Variants in ANAPC13 observed in about 807,000 individuals in gnomAD.
ANAPC13 encodes anaphase-promoting complex subunit 13.
In ANAPC13, 9 loss-of-function variants were observed where a neutral mutation model predicts 9.6. That is an observed-to-expected ratio of 0.94 (90% CI 0.57 to 1.64). The LOEUF (loss-of-function observed/expected upper bound fraction) is 1.64. Ranked by LOEUF, ANAPC13 falls within the 40% of genes most tolerant of loss-of-function variation. ANAPC13 has a pLI of 0.00. For synonymous variants in ANAPC13, 30 were observed against 29.7 expected, an observed-to-expected ratio of 1.01 and a Z score of -0.03; for missense variants, 75 against 85.3, an observed-to-expected ratio of 0.88 and a Z score of 0.48.
At position 134,482,924 on chromosome 3, in the gene ANAPC13, T is replaced by C. The variant is rs767981638; in HGVS notation, c.-20A>G. The stretch of plus-strand genomic sequence containing the variant: ...GTCCATTTTCCTGCAGCTTTGATCT[T>C]GTCAAATCTGTAAGCCAAAGAGGTT... On this transcript the variant is annotated 5_prime_UTR_variant, in exon 2 of 3. Coordinates refer to ENST00000354910, the MANE Select transcript of ANAPC13 (RefSeq NM_015391.4). The C allele has an allele frequency of 2.5e-6, 4 of 1,581,070 alleles. No homozygotes were observed. The East Asian group carries it at 8.9e-5, about 35-fold the overall frequency.
chr3:134,485,913 G>A, intron 1 of ANAPC13, 39 bp downstream of exon 1: 1 of 887,524 alleles, frequency 1.1e-6, no homozygotes, highest in Non-Finnish European at 1.3e-6. Flanking sequence ...GCATTCCCGC[G>A]CCTCCAAAAC....
At chr3:134,481,713 A>G (rs1934739736) in intron 2 of ANAPC13, among the ~76,000 whole-genome samples, 1 of 152,262 alleles carries the variant, frequency 6.6e-6, no homozygotes, top group Non-Finnish European at 1.5e-5. Context: ...GAAGTTCACA[A>G]GACAGGATTT....
At chr3:134,479,763 G>A (rs554859631) in intron 2 of ANAPC13, among the ~76,000 whole-genome samples, 125 of 152,286 alleles carry the variant, frequency 8.2e-4, no homozygotes, top group African/African-American at 3.0e-3. Flanking sequence ...CACAACAAAT[G>A]ACCAATTCAC....
chr3:134,482,975 G>C, intron 1 of ANAPC13, 44 bp from the exon 2 acceptor site: 1 of 1,283,358 alleles, frequency 7.8e-7, no homozygotes, highest in Non-Finnish European at 1.1e-6. Context: ...AGACTGAAGA[G>C]ATGGTATAAT....
At chr3:134,483,837 G>A (rs1934803015) in intron 1 of ANAPC13, among the ~76,000 whole-genome samples, 1 of 152,186 alleles carries the variant, frequency 6.6e-6, no homozygotes, top group African/African-American at 2.4e-5. Context: ...GCAATTTTGG[G>A]GTGGTGGAGC....
At chr3:134,483,847 C>T (rs567977865) in intron 1 of ANAPC13, among the ~76,000 whole-genome samples, 1 of 152,128 alleles carries the variant, frequency 6.6e-6, no homozygotes, top group Admixed American at 6.5e-5. Context: ...GGTGGTGGAG[C>T]GGGGTGGAAC....
chr3:134,482,875 C>T lies in ANAPC13; in HGVS notation c.30G>A (p.Arg10=). The change falls in exon 2 of 3, where the codon AGG becomes AGA. Residue 10 remains arginine (R), a synonymous_variant. Coordinates refer to ENST00000354910, the MANE Select transcript of ANAPC13 (RefSeq NM_015391.4). MDSEVQRDG[R]ILDLIDDAWR... ...AAGCATCATCAATCAAATCCAAGAT[C>T]CTTCCATCTCTCTGAACCTCACTGT... 6.2e-7 allele frequency: 1 copy of T among 1,614,200 alleles called. No individual in the cohort carries two copies. The highest frequency in any genetic ancestry group is 1.1e-5 in the South Asian group (1 of 91,088).
chr3:134,481,295 T>C (rs529822189), intron 2 of ANAPC13, among the ~76,000 whole-genome samples: 1 of 152,334 alleles, frequency 6.6e-6, no homozygotes, highest in East Asian at 1.9e-4. Context: ...CCACTCTCAA[T>C]CTGATCCAAG....
intron 1 of ANAPC13, 175 bp from the exon 2 acceptor site, chr3:134,483,106 C>A (rs749625133): frequency 3.3e-6 from 2 of 600,128 alleles, no homozygotes; most frequent in South Asian, 4.0e-5. Context: ...CCAACTGATA[C>A]ATATTTTATA....
At chr3:134,485,986 G>T (rs1935134290), upstream of ANAPC13, 1 of 856,438 alleles carries the variant, frequency 1.2e-6, no homozygotes, top group Non-Finnish European at 1.3e-6. Flanking sequence ...GCTTGCTCCT[G>T]CCACGCCCCC....
intron 1 of ANAPC13, among the ~76,000 whole-genome samples, chr3:134,484,326 G>A (rs1934876017): frequency 6.6e-6 from 1 of 152,000 alleles, no homozygotes; most frequent in Non-Finnish European, 1.5e-5. Flanking sequence ...CTTGCAGTGA[G>A]CCGAGATAGC....
At chr3:134,479,087 T>C (rs1054056873) in intron 2 of ANAPC13, among the ~76,000 whole-genome samples, 6 of 152,096 alleles carry the variant, frequency 3.9e-5, no homozygotes, top group Non-Finnish European at 8.8e-5. Flanking sequence ...CCTTGGCAAA[T>C]GGGAGAACAA....
At chr3:134,485,990 C>CGGGGG, upstream of ANAPC13, 2 of 837,678 alleles carry the variant, frequency 2.4e-6, no homozygotes, top group Non-Finnish European at 2.6e-6. Flanking sequence ...GCTCCTGCCA[C>CGGGGG]GCCCCCCCCC....
At chr3:134,483,546 C>T (rs1934787706) in intron 1 of ANAPC13, among the ~76,000 whole-genome samples, 1 of 152,206 alleles carries the variant, frequency 6.6e-6, no homozygotes, top group African/African-American at 2.4e-5. Context: ...CTTAACGCTA[C>T]ACTCCCTTCA....
intron 2 of ANAPC13, among the ~76,000 whole-genome samples, chr3:134,481,213 A>G (rs1934726455): frequency 6.6e-6 from 1 of 152,264 alleles, no homozygotes; most frequent in African/African-American, 2.4e-5. Context: ...AAATCTGAGC[A>G]TAGCAGTCTT....
At chr3:134,479,466 T>C (rs1317225445) in intron 2 of ANAPC13, among the ~76,000 whole-genome samples, 1 of 151,812 alleles carries the variant, frequency 6.6e-6, no homozygotes, top group Non-Finnish European at 1.5e-5. Context: ...GCCTCCCGAG[T>C]AGCTGGGATT....
At chr3:134,479,398 C>A (rs147877269) in intron 2 of ANAPC13, among the ~76,000 whole-genome samples, 49 of 152,104 alleles carry the variant, frequency 3.2e-4, no homozygotes, top group African/African-American at 1.1e-3. Flanking sequence ...AGAGCAATGG[C>A]GTGATCTCGG....
At chr3:134,483,814 ACT>A (rs1420005984) in intron 1 of ANAPC13, among the ~76,000 whole-genome samples, 1 of 152,166 alleles carries the variant, frequency 6.6e-6, no homozygotes, top group Non-Finnish European at 1.5e-5. Context: ...GACTATGGAG[ACT>A]CACACAATAA....
chr3:134,479,395 T>C (rs1289245265), intron 2 of ANAPC13, among the ~76,000 whole-genome samples: 2 of 152,064 alleles, frequency 1.3e-5, no homozygotes, highest in South Asian at 2.1e-4. Flanking sequence ...TAGAGAGCAA[T>C]GGCGTGATCT....
Sources: gnomAD v4.1 joint callset for allele counts (sites outside exome capture counted in the v4.1 genomes callset) on GRCh38, gnomAD v4.1.1 for gene constraint, MANE v1.5 for transcripts, NCBI Gene and HGNC (gene_info 2026-07-23, HGNC 2026-07-21) for gene names.